The following PHACTR1 variants were observed in gnomAD, a reference collection of about 807,000 sequenced individuals.
PHACTR1 encodes phosphatase and actin regulator 1.
In PHACTR1, 16 loss-of-function variants were observed where a neutral mutation model predicts 69.2. That is an observed-to-expected ratio of 0.23 (90% CI 0.16 to 0.35). The LOEUF (loss-of-function observed/expected upper bound fraction) is 0.35, where lower values mean the gene tolerates loss of function less well. Ranked by LOEUF, PHACTR1 falls within the 10% of genes least tolerant of loss-of-function variation. The probability of loss-of-function intolerance (pLI) is 1.00; values close to 1 mark genes in which losing one functional copy is unlikely to be tolerated. For synonymous variants in PHACTR1, 312 were observed against 284.5 expected (o/e 1.10, Z -0.97); for missense variants, 510 against 734.7 (o/e 0.69, Z 3.54).
chr6:13,131,851 C>A (rs1278356697), intron 5 of PHACTR1, among the ~76,000 whole-genome samples: 1 of 152,142 alleles, frequency 6.6e-6, no homozygotes, highest in Non-Finnish European at 1.5e-5. Context: ...CTCCCTTAAT[C>A]CTTTCCTGTT....
chr6:13,066,748 C>T (rs1377501215), intron 5 of PHACTR1, among the ~76,000 whole-genome samples: 1 of 152,102 alleles, frequency 6.6e-6, no homozygotes, highest in African/African-American at 2.4e-5. Flanking sequence ...GCGAGGAAAG[C>T]TGGGCCCCTT....
At chr6:13,098,650 G>A (rs1025778494) in intron 5 of PHACTR1, among the ~76,000 whole-genome samples, 3 of 152,062 alleles carry the variant, frequency 2.0e-5, no homozygotes, top group Admixed American at 1.3e-4. Context: ...TCCTTCCTCC[G>A]TAAATGGCCT....
chr6:13,113,360 T>C (rs1817337206), intron 5 of PHACTR1, among the ~76,000 whole-genome samples: 1 of 152,196 alleles, frequency 6.6e-6, no homozygotes. Flanking sequence ...TCAAAGATTT[T>C]AAAACAAGTT....
chr6:12,819,458 C>T (rs1775961966), intron 4 of PHACTR1, among the ~76,000 whole-genome samples: 1 of 152,106 alleles, frequency 6.6e-6, no homozygotes, highest in Non-Finnish European at 1.5e-5. Flanking sequence ...TAGGTGATAA[C>T]ATCACACTTC....
At chr6:12,773,679 G>A (rs1769675351) in intron 4 of PHACTR1, among the ~76,000 whole-genome samples, 1 of 151,936 alleles carries the variant, frequency 6.6e-6, no homozygotes, top group Non-Finnish European at 1.5e-5. Flanking sequence ...ATTTGCTTCA[G>A]GCATCAACTT....
intron 4 of PHACTR1, among the ~76,000 whole-genome samples, chr6:13,036,020 G>A (rs749974549): frequency 9.9e-5 from 15 of 151,910 alleles, no homozygotes; most frequent in Non-Finnish European, 1.6e-4. Flanking sequence ...TATTCATTTC[G>A]CATAGCAATT....
At chr6:12,804,203 A>G (rs182767639) in intron 4 of PHACTR1, among the ~76,000 whole-genome samples, 42 of 152,348 alleles carry the variant, frequency 2.8e-4, no homozygotes, top group African/African-American at 1.0e-3. Flanking sequence ...CCAAATGCCT[A>G]TGGAATTATC....
chr6:13,248,433 A>G (rs1150622), intron 10 of PHACTR1, among the ~76,000 whole-genome samples: 5,932 of 152,322 alleles, frequency 0.039, 371 homozygotes, highest in African/African-American at 0.13. Context: ...AGTGATCTCT[A>G]TGCATTAATT....
intron 7 of PHACTR1, among the ~76,000 whole-genome samples, chr6:13,199,612 G>T (rs563895020): frequency 3.7e-4 from 56 of 152,218 alleles, no homozygotes; most frequent in African/African-American, 1.1e-3. Flanking sequence ...GAACCTGAAT[G>T]CTTTGAATCA....
chr6:13,149,661 G>A (rs184978279), intron 5 of PHACTR1, among the ~76,000 whole-genome samples: 1 of 152,254 alleles, frequency 6.6e-6, no homozygotes, highest in East Asian at 1.9e-4. Context: ...CTAACAGAGA[G>A]CAGAGATCAG....
intron 4 of PHACTR1, among the ~76,000 whole-genome samples, chr6:12,887,557 C>G (rs537602032): frequency 1.3e-5 from 2 of 152,248 alleles, no homozygotes; most frequent in African/African-American, 4.8e-5. Context: ...GCTGGAAACC[C>G]CCAACATGGA....
chr6:12,946,391 A>G (rs1790675957), intron 4 of PHACTR1, among the ~76,000 whole-genome samples: 1 of 152,210 alleles, frequency 6.6e-6, no homozygotes, highest in African/African-American at 2.4e-5. Context: ...TAGGAAGCCA[A>G]TTCTGGTGGC....
intron 5 of PHACTR1, among the ~76,000 whole-genome samples, chr6:13,078,573 G>A (rs778247009): frequency 1.4e-4 from 22 of 152,120 alleles, no homozygotes; most frequent in Non-Finnish European, 2.2e-4. Context: ...GTTTCCTTAG[G>A]CATTTTCTGG....
chr6:12,731,970 T>C (rs535053234), intron 3 of PHACTR1, among the ~76,000 whole-genome samples: 9 of 151,774 alleles, frequency 5.9e-5, no homozygotes, highest in African/African-American at 2.2e-4. Flanking sequence ...TAAAGGAAAG[T>C]TTTACCTTTT....
chr6:12,725,992 C>A (rs1352632264), intron 3 of PHACTR1, among the ~76,000 whole-genome samples: 1 of 152,074 alleles, frequency 6.6e-6, no homozygotes, highest in Non-Finnish European at 1.5e-5. Context: ...CCTCCTAACA[C>A]TTTTAAAGAA....
At chr6:12,888,925 T>A (rs1047769813) in intron 4 of PHACTR1, among the ~76,000 whole-genome samples, 5 of 152,208 alleles carry the variant, frequency 3.3e-5, no homozygotes, top group Non-Finnish European at 5.9e-5. Context: ...GAAATGTATG[T>A]CATACCCAAT....
At chr6:12,890,504 C>G (rs1247965024) in intron 4 of PHACTR1, among the ~76,000 whole-genome samples, 1 of 152,150 alleles carries the variant, frequency 6.6e-6, no homozygotes, top group African/African-American at 2.4e-5. Context: ...GTTCTGGGTC[C>G]TGATTCCCCA....
rs80226739 is a variant in PHACTR1, at chr6:13,258,618, G to A, written c.1392-14242G>A. Among the ~76,000 whole-genome samples, 794 of 152,280 alleles carry A rather than the reference G, an allele frequency of 5.2e-3. 6 individuals carry two copies. The highest frequency in any genetic ancestry group is 0.018 in the African/African-American group (744 of 41,548). ...CTAGTCTCGTGAAGGGTGATGATTG[G>A]CAGTGGTGGCCCTGCACCAGTTTTG... On this transcript the variant is annotated intron_variant, in intron 10 of 14. Transcript: ENST00000332995.
At chr6:13,157,426 C>T (rs1047788267) in intron 5 of PHACTR1, among the ~76,000 whole-genome samples, 1 of 152,212 alleles carries the variant, frequency 6.6e-6, no homozygotes, top group Non-Finnish European at 1.5e-5. Flanking sequence ...AACTCTATCA[C>T]GGCGATGGCT....
Sources: gnomAD v4.1 joint callset for allele counts (sites outside exome capture counted in the v4.1 genomes callset) on GRCh38, gnomAD v4.1.1 for gene constraint, MANE v1.5 for transcripts, NCBI Gene and HGNC (gene_info 2026-07-23, HGNC 2026-07-21) for gene names.